Variants in GARIN3 observed in about 807,000 individuals in gnomAD.
The protein encoded by GARIN3 is golgi associated RAB2 interactor family member 3, also known as Golgi-associated RAB2 interactor protein 3.
At chr5:157,165,933 G>A in the GARIN3 span, 4 of 1,614,168 alleles carry the variant, frequency 2.5e-6, no homozygotes, top group East Asian at 8.9e-5. Flanking sequence ...TGGGAGGATG[G>A]GGCTGGTGCA....
the GARIN3 span, among the ~76,000 whole-genome samples, chr5:157,164,481 C>A: frequency 1.3e-5 from 2 of 152,198 alleles, no homozygotes; most frequent in Non-Finnish European, 2.9e-5. Context: ...CATTTCTTGC[C>A]AAGTTCCATC....
chr5:157,164,146 CT>C, the GARIN3 span, among the ~76,000 whole-genome samples: 4,963 of 127,190 alleles, frequency 0.039, 47 homozygotes, highest in African/African-American at 0.076. Flanking sequence ...AGTCTTTTGT[CT>C]TTTTTTTTTT....
the GARIN3 span, chr5:157,165,609 G>A: frequency 2.9e-5 from 46 of 1,614,024 alleles, no homozygotes; most frequent in Non-Finnish European, 3.6e-5. Context: ...AGATAGAAGT[G>A]TTGGGGTACT....
At chr5:157,163,128 ACTG>A in the GARIN3 span, 1 of 1,614,170 alleles carries the variant, frequency 6.2e-7, no homozygotes, top group Non-Finnish European at 8.5e-7. Context: ...TGGTCGTAAT[ACTG>A]CCTGCAAACG....
At chr5:157,162,536 C>T in the GARIN3 span, 1 of 1,614,190 alleles carries the variant, frequency 6.2e-7, no homozygotes, top group Non-Finnish European at 8.5e-7. Context: ...CCACCCTGGG[C>T]TTTCTCCACT....
At chr5:157,162,158 A>C in the GARIN3 span, 4 of 426,122 alleles carry the variant, frequency 9.4e-6, no homozygotes, top group Non-Finnish European at 1.7e-5. Flanking sequence ...CGGGGAAGCA[A>C]AAGGGATTGA....
chr5:157,163,664 C>T, the GARIN3 span: 15 of 1,607,030 alleles, frequency 9.3e-6, no homozygotes, highest in Non-Finnish European at 1.2e-5. Context: ...GCAGCCTATA[C>T]CAAGGGGAAG....
the GARIN3 span, chr5:157,165,457 C>T: frequency 5.3e-6 from 8 of 1,498,044 alleles, no homozygotes; most frequent in Non-Finnish European, 6.2e-6. Context: ...ACATGCAATA[C>T]TTTTTCCAGG....
At chr5:157,162,252 T>C in the GARIN3 span, 2 of 801,806 alleles carry the variant, frequency 2.5e-6, no homozygotes, top group Non-Finnish European at 3.8e-6. Context: ...GGTCTCCAGC[T>C]GTAGCATAGC....
the GARIN3 span, chr5:157,165,563 C>T: frequency 6.2e-7 from 1 of 1,607,106 alleles, no homozygotes; most frequent in East Asian, 2.2e-5. Context: ...AGAGGCTTAC[C>T]ACTAGGCTTT....
chr5:157,166,186 A>G, the GARIN3 span: 1 of 1,590,408 alleles, frequency 6.3e-7, no homozygotes, highest in Non-Finnish European at 8.6e-7. Context: ...TTCGTTTAAG[A>G]CAGCTCCACC....
chr5:157,163,423 T>A, the GARIN3 span: 1 of 1,614,224 alleles, frequency 6.2e-7, no homozygotes, highest in Non-Finnish European at 8.5e-7. Context: ...TATTGCCACA[T>A]CTGTTCTAGG....
the GARIN3 span, chr5:157,165,874 G>A: frequency 3.7e-6 from 6 of 1,614,154 alleles, no homozygotes; most frequent in African/African-American, 1.3e-5. Context: ...CATCTGACAT[G>A]CTGTTCACAG....
chr5:157,162,981 GTT>G, the GARIN3 span: 4 of 1,614,150 alleles, frequency 2.5e-6, no homozygotes, highest in East Asian at 8.9e-5. Context: ...TTCTTTCCTT[GTT>G]TTCATTCCAG....
At chr5:157,162,791 G>C in the GARIN3 span, 12 of 1,614,172 alleles carry the variant, frequency 7.4e-6, no homozygotes, top group Non-Finnish European at 1.0e-5. Flanking sequence ...GAGCCATGTC[G>C]CTTGCCCCTT....
the GARIN3 span, chr5:157,163,117 CT>C: frequency 6.2e-7 from 1 of 1,614,250 alleles, no homozygotes; most frequent in Non-Finnish European, 8.5e-7. Flanking sequence ...TGCACACTTG[CT>C]GGTCGTAATA....
the GARIN3 span, chr5:157,162,963 C>T: frequency 6.8e-6 from 11 of 1,614,072 alleles, no homozygotes; most frequent in African/African-American, 2.7e-5. Context: ...GTCTGTCCTT[C>T]TTTTCTCTTC....
At chr5:157,164,441 C>T in the GARIN3 span, among the ~76,000 whole-genome samples, 8 of 152,138 alleles carry the variant, frequency 5.3e-5, no homozygotes, top group African/African-American at 7.2e-5. Context: ...CATGAGCCAC[C>T]GCACCCGGCC....
the GARIN3 span, chr5:157,162,682 TG>T: frequency 6.2e-7 from 1 of 1,614,232 alleles, no homozygotes; most frequent in South Asian, 1.1e-5. Context: ...GGCTTTCTTT[TG>T]TAAAGCTCCT....
Sources: allele counts gnomAD v4.1 joint callset (sites outside exome capture counted in the v4.1 genomes callset), GRCh38; gene constraint gnomAD v4.1.1; transcripts MANE v1.5; gene names NCBI Gene and HGNC (gene_info 2026-07-23, HGNC 2026-07-21).